The following TACC2 variants were observed in gnomAD, a reference collection of about 807,000 sequenced individuals.
The protein encoded by TACC2 is transforming acidic coiled-coil containing protein 2, also known as transforming acidic coiled-coil-containing protein 2.
Under a neutral mutation model 227.3 loss-of-function variants are expected in TACC2, and 137 were observed. That is an observed-to-expected ratio of 0.60 (90% CI 0.52 to 0.69). TACC2 has a LOEUF of 0.69. Ranked by LOEUF, TACC2 falls within the 30% of genes least tolerant of loss-of-function variation. The probability of loss-of-function intolerance (pLI) is 0.00; values close to 1 mark genes in which losing one functional copy is unlikely to be tolerated. For synonymous variants in TACC2, 1,523 were observed against 1,487.5 expected (o/e 1.02, Z -0.55); for missense variants, 3,470 against 3,694.4 (o/e 0.94, Z 1.57).
At chr10:122,072,967 G>A (rs2078262488) in intron 3 of TACC2, among the ~76,000 whole-genome samples, 1 of 151,522 alleles carries the variant, frequency 6.6e-6, no homozygotes, top group Non-Finnish European at 1.5e-5. Flanking sequence ...CAAAAAATTA[G>A]CCAGGCGTGG....
In TACC2 at chr10:122,210,977, C is replaced by T; in HGVS notation, c.6552C>T (p.Ser2184=). The part of the protein sequence containing the change: ...KTESAKTEGP[S]PALLEETPLE... ...AATCTGCCAAGACGGAAGGTCCTAG[C>T]CCAGCCTTATTGGAGGAGACGCCCC... The change falls in exon 9 of 23, where the codon AGC becomes AGT. Residue 2184 remains serine (S), a synonymous_variant. Transcript: ENST00000369005. This position sits in a 1 kb window ranked among gnomAD's most constrained non-coding sequence, Gnocchi z 4.6. The T allele has an allele frequency of 6.2e-7, 1 of 1,613,650 alleles. No homozygotes were observed. The highest frequency in any genetic ancestry group is 2.2e-5 in the East Asian group (1 of 44,874).
intron 7 of TACC2, among the ~76,000 whole-genome samples, chr10:122,187,636 G>A (rs1269183565): frequency 3.3e-5 from 5 of 151,942 alleles, no homozygotes; most frequent in Admixed American, 6.6e-5. Context: ...AATTACAGGC[G>A]CCTGCCACCA....
chr10:122,047,984 C>A (rs1474473397), intron 2 of TACC2, among the ~76,000 whole-genome samples: 1 of 152,172 alleles, frequency 6.6e-6, no homozygotes, highest in Non-Finnish European at 1.5e-5. Flanking sequence ...GATAGCCAAC[C>A]ACTCAGGGAA....
chr10:122,175,310 T>C (rs1318049190), intron 7 of TACC2, among the ~76,000 whole-genome samples: 2 of 152,196 alleles, frequency 1.3e-5, no homozygotes, highest in Non-Finnish European at 2.9e-5. Flanking sequence ...ACTGAAACAC[T>C]GATGCATTGT....
chr10:122,169,032 T>C (rs1385039032), intron 7 of TACC2, among the ~76,000 whole-genome samples: 1 of 152,014 alleles, frequency 6.6e-6, no homozygotes, highest in Non-Finnish European at 1.5e-5. Flanking sequence ...TGGACAGGGG[T>C]TTAGGGGAGA....
At chr10:122,214,813 CT>C (rs2095367513) in intron 9 of TACC2, among the ~76,000 whole-genome samples, 1 of 152,162 alleles carries the variant, frequency 6.6e-6, no homozygotes, top group Non-Finnish European at 1.5e-5. Context: ...CATCTCTCCC[CT>C]GGCCCTACCT....
rs1002922694 is a variant in TACC2 at position 122,205,656 on chromosome 10, C to T, written c.5972-4741C>T. Among the ~76,000 whole-genome samples, 1 of 152,210 alleles carries T rather than the reference C, an allele frequency of 6.6e-6. No individual in the cohort carries two copies. Among genetic ancestry groups the T allele is most frequent in the Non-Finnish European group, 1.5e-5 (1 of 68,034 alleles). ...GGAGGCGCACCTGTGGCACCTGTTA[C>T]GATGGGGGCCCTGAGCCCCCACCCC... is the stretch of plus-strand genomic sequence containing the variant. On this transcript the variant is annotated intron_variant, in intron 8 of 22. Coordinates refer to ENST00000369005, the MANE Select transcript of TACC2 (RefSeq NM_206862.4). This position sits in a 1 kb window ranked among gnomAD's most constrained non-coding sequence, Gnocchi z 4.5.
Position 122,086,086 on chromosome 10 carries a change from C to A in TACC2, c.3586C>A (p.Pro1196Thr), listed in dbSNP as rs369885153. 1 of 1,613,792 alleles carries A rather than the reference C, an allele frequency of 6.2e-7. No homozygotes were observed. Among genetic ancestry groups the A allele is most frequent in the African/African-American group, 1.3e-5 (1 of 75,054 alleles). Residue 1196 changes from proline (P) to threonine (T), a missense_variant, in exon 4 of 23, where the codon CCA (proline) becomes ACA (threonine). Around this residue, in one of 10 missense-constraint regions of TACC2, gnomAD observed 1,924 missense variants for 1,978.3 expected, o/e 0.97. Coordinates refer to ENST00000369005, the MANE Select transcript of TACC2 (RefSeq NM_206862.4). Reference protein sequence around the residue: ...PMASCQDALLPARELGGIPRS... With the variant: ...PMASCQDALLTARELGGIPRS... ...GGCCAGCTGCCAGGATGCCTTGCTGCCAGCCAGAGAGCTGGGTGGGATTCC... is the reference window on the plus strand; with the variant it reads ...GGCCAGCTGCCAGGATGCCTTGCTGACAGCCAGAGAGCTGGGTGGGATTCC...
At chr10:122,096,744 A>T (rs2081481583) in intron 5 of TACC2, among the ~76,000 whole-genome samples, 1 of 151,224 alleles carries the variant, frequency 6.6e-6, no homozygotes, top group Non-Finnish European at 1.5e-5. Context: ...GAGGGAGCCC[A>T]AATGGGCAGA....
rs2079656471 is a variant in TACC2 at position 122,082,664 on chromosome 10, T to C, written c.164T>C (p.Leu55Pro). 6.2e-7 allele frequency: 1 copy of C among 1,610,528 alleles called. No individual in the cohort carries two copies. The highest frequency in any genetic ancestry group is 8.5e-7 in the Non-Finnish European group (1 of 1,177,818). ...RDASSIGSVG[L>P]GGFCTASESS... ...ATTTTCAGCATTGGCAGCGTTGGGC[T>C]TGGAGGCTTCTGCACCGCTTCTGAG... Residue 55 changes from leucine to proline, a missense_variant, in exon 4 of 23, where the codon CTT becomes CCT. This residue lies in a region of TACC2 where 405 missense variants were observed against 389.6 expected (regional missense o/e 1.04). Transcript: ENST00000369005.
rs1303938289 is a variant in TACC2 at position 122,083,054 on chromosome 10, A to C, written c.554A>C (p.Lys185Thr). The change falls in exon 4 of 23, where the codon AAG (lysine) becomes ACG (threonine). Residue 185 changes from lysine to threonine, a missense_variant. Coordinates refer to ENST00000369005, the MANE Select transcript of TACC2 (RefSeq NM_206862.4). ...RERQPKEEGQ[K>T]SSFSFSSGID... ...AGACAGCCGAAGGAAGAAGGACAGA[A>C]GTCCTCCTTCTCCTTCTCCAGTGGC... 5 of 1,612,666 alleles carry C rather than the reference A, an allele frequency of 3.1e-6. No individual in the cohort carries two copies. In the East Asian group the frequency reaches 1.1e-4, roughly 36 times the overall value.
chr10:122,024,662 G>A (rs1049753801), intron 2 of TACC2, among the ~76,000 whole-genome samples: 12 of 152,116 alleles, frequency 7.9e-5, no homozygotes, highest in Non-Finnish European at 1.2e-4. Flanking sequence ...CACACAGTAA[G>A]TGATCTTTAA....
chr10:122,153,014 C>T (rs1332106021), intron 7 of TACC2, among the ~76,000 whole-genome samples: 2 of 17,404 alleles, frequency 1.1e-4, no homozygotes, highest in East Asian at 1.1e-3. Context: ...TTTTTTGAGA[C>T]GGAGTCTCAC....
rs112155784 is a variant in TACC2 at position 122,129,272 on chromosome 10, C to G, written c.5574-3337C>G. ...GGGGTTTCACCATGTTGGCCAGGCTCGTCTCGAACTCTTGACCTCAGGTGA... is the reference window on the plus strand; with the variant it reads ...GGGGTTTCACCATGTTGGCCAGGCTGGTCTCGAACTCTTGACCTCAGGTGA... On this transcript the variant is annotated intron_variant, in intron 5 of 22. Transcript: ENST00000369005. 1.2e-4 allele frequency among the ~76,000 whole-genome samples: 18 copies of G among 151,754 alleles called. No individual in the cohort carries two copies. The South Asian group carries it at 1.9e-3, about 16-fold the overall frequency.
chr10:122,210,815 G>T lies in TACC2; in HGVS notation c.6390G>T (p.Pro2130=). 6.2e-7 allele frequency: 1 copy of T among 1,612,132 alleles called. No individual in the cohort carries two copies. Among genetic ancestry groups the T allele is most frequent in the African/African-American group, 1.3e-5 (1 of 74,708 alleles). Residue 2130 remains proline (P), a synonymous_variant, in exon 9 of 23, where the codon CCG becomes CCT. Coordinates refer to ENST00000369005, the MANE Select transcript of TACC2 (RefSeq NM_206862.4). The surrounding 1 kb of genome is among the most constrained non-coding windows in gnomAD (Gnocchi z 4.6). ...ASSTLKRTKK[P]RPPSLKKKQT... is the part of the protein sequence containing the mutation. ...GTACCCTTAAGCGAACTAAAAAACC[G>T]AGGCCGCCTTCCTTAAAAAAGAAAC...
At chr10:122,232,890 G>A (rs1177470932) in intron 16 of TACC2, among the ~76,000 whole-genome samples, 1 of 152,152 alleles carries the variant, frequency 6.6e-6, no homozygotes, top group Non-Finnish European at 1.5e-5. Flanking sequence ...ACACAGCTCT[G>A]TCATTTTGCC....
rs143051550 is a variant in TACC2 at position 122,109,552 on chromosome 10, G to A, written c.5573+20961G>A. ...ATGTCATAGATGTCCCTTCAGCAAT[G>A]CTAGTCCTGTTGAGCAGAGGCTGGG... On this transcript the variant is annotated intron_variant, in intron 5 of 22. Transcript: ENST00000369005. 2.8e-3 allele frequency among the ~76,000 whole-genome samples: 429 copies of A among 152,296 alleles called. 1 individual carries two copies. Among genetic ancestry groups the A allele is most frequent in the Middle Eastern group, 0.01 (3 of 294 alleles).
intron 18 of TACC2, among the ~76,000 whole-genome samples, chr10:122,238,371 A>G (rs1307177695): frequency 1.3e-5 from 2 of 152,222 alleles, no homozygotes; most frequent in South Asian, 2.1e-4. Context: ...AAATGTAACA[A>G]TGAGTGTAAA....
chr10:122,070,794 G>T (rs2077965239), intron 3 of TACC2, among the ~76,000 whole-genome samples: 1 of 149,848 alleles, frequency 6.7e-6, no homozygotes, highest in Non-Finnish European at 1.5e-5. Flanking sequence ...GTGTGGTAAT[G>T]CATGCCTGTA....
Sources: gnomAD v4.1 joint callset for allele counts (sites outside exome capture counted in the v4.1 genomes callset) on GRCh38, gnomAD v4.1.1 for gene constraint, gnomAD v4.1.1 regional missense constraint, Gnocchi (gnomAD v3.1) non-coding constraint, MANE v1.5 for transcripts, NCBI Gene and HGNC (gene_info 2026-07-23, HGNC 2026-07-21) for gene names.